Variants in MACROD2 observed in about 807,000 individuals in gnomAD.
The protein encoded by MACROD2 is ADP-ribose glycohydrolase MACROD2.
Under a neutral mutation model 70.4 loss-of-function variants are expected in MACROD2, and 36 were observed. The observed-to-expected ratio is 0.51, with a 90% confidence interval of 0.39 to 0.68. The LOEUF is 0.68. Among genes scored for constraint, MACROD2 ranks in the 30% least tolerant of loss-of-function variants. MACROD2 has a pLI of 0.00. For synonymous variants in MACROD2, 172 were observed against 178.8 expected (o/e 0.96, Z 0.30); for missense variants, 496 against 538.4 (o/e 0.92, Z 0.78).
chr20:15,403,925 C>T (rs2146312832), intron 6 of MACROD2, among the ~76,000 whole-genome samples: 1 of 152,208 alleles, frequency 6.6e-6, no homozygotes, highest in Non-Finnish European at 1.5e-5. Flanking sequence ...ATAATGGTGC[C>T]TACAAGGGAA....
chr20:15,013,099 A>C (rs1374429939), intron 5 of MACROD2, among the ~76,000 whole-genome samples: 2 of 152,106 alleles, frequency 1.3e-5, no homozygotes, highest in Non-Finnish European at 2.9e-5. Context: ...TACTCATCTT[A>C]CTTGCTGAGT....
At chr20:15,557,504 C>T (rs2048183411) in intron 8 of MACROD2, among the ~76,000 whole-genome samples, 1 of 152,124 alleles carries the variant, frequency 6.6e-6, no homozygotes, top group African/African-American at 2.4e-5. Flanking sequence ...TGTTTTTTCC[C>T]CTGACACACA....
chr20:14,273,457 A>T (rs1489127287), intron 3 of MACROD2, among the ~76,000 whole-genome samples: 1 of 149,118 alleles, frequency 6.7e-6, no homozygotes, highest in Non-Finnish European at 1.5e-5. Flanking sequence ...GAGAACAAAG[A>T]CACAACATAC....
At chr20:14,161,203 T>A (rs1470502994) in intron 3 of MACROD2, among the ~76,000 whole-genome samples, 1 of 151,300 alleles carries the variant, frequency 6.6e-6, no homozygotes, top group Non-Finnish European at 1.5e-5. Context: ...TTTTTTTTTT[T>A]TTTGAGATAG....
chr20:15,832,747 C>A (rs1239768800), intron 8 of MACROD2, among the ~76,000 whole-genome samples: 2 of 152,202 alleles, frequency 1.3e-5, no homozygotes, highest in African/African-American at 4.8e-5. Context: ...AGGCAAATGG[C>A]ACCTGCTCAG....
rs1986192407 is a variant in MACROD2 at position 14,660,873 on chromosome 20, A to G, written c.302-23970A>G. On this transcript the variant is annotated intron_variant, in intron 4 of 17. Coordinates refer to ENST00000684519, the MANE Select transcript of MACROD2 (RefSeq NM_001351661.2). Reference sequence around the variant, plus strand: ...AGTTGCATCCATGTTGCTGCAAAGGACATGATTTTGTTCTTTTTTTTAATG... The same window carrying G: ...AGTTGCATCCATGTTGCTGCAAAGGGCATGATTTTGTTCTTTTTTTTAATG... Among the ~76,000 whole-genome samples the G allele has an allele frequency of 2.6e-5, 4 of 152,140 alleles. No homozygotes were observed. In the South Asian group the frequency reaches 6.2e-4, roughly 24 times the overall value.
intron 5 of MACROD2, among the ~76,000 whole-genome samples, chr20:14,861,114 T>C (rs1262917518): frequency 2.0e-5 from 3 of 152,148 alleles, no homozygotes; most frequent in Non-Finnish European, 4.4e-5. Context: ...GAAGAGAATT[T>C]AATTAAAGGA....
At chr20:15,822,573 T>C (rs1460059637) in intron 8 of MACROD2, among the ~76,000 whole-genome samples, 12 of 152,140 alleles carry the variant, frequency 7.9e-5, no homozygotes, top group Admixed American at 7.9e-4. Context: ...AAATGTAAAT[T>C]TTTACATTTG....
At chr20:15,785,828 T>C (rs1300257563) in intron 8 of MACROD2, among the ~76,000 whole-genome samples, 2 of 152,034 alleles carry the variant, frequency 1.3e-5, no homozygotes, top group African/African-American at 4.8e-5. Context: ...TCAATAATAC[T>C]TTTGGACCAG....
intron 4 of MACROD2, among the ~76,000 whole-genome samples, chr20:14,669,931 T>G (rs2070776173): frequency 6.6e-6 from 1 of 151,934 alleles, no homozygotes; most frequent in African/African-American, 2.4e-5. Context: ...AAGATTATTT[T>G]GGGGAATTAT....
intron 5 of MACROD2, among the ~76,000 whole-genome samples, chr20:14,810,107 A>G (rs2072690932): frequency 6.6e-6 from 1 of 152,126 alleles, no homozygotes; most frequent in South Asian, 2.1e-4. Flanking sequence ...CATCATCCTG[A>G]TACCAAAACC....
intron 3 of MACROD2, among the ~76,000 whole-genome samples, chr20:14,291,472 C>G (rs1421586507): frequency 6.6e-6 from 1 of 151,902 alleles, no homozygotes; most frequent in African/African-American, 2.4e-5. Context: ...TCCGTGGCTT[C>G]CCAATAGAGG....
Position 14,938,019 on chromosome 20 carries a change from TTTTC to T in MACROD2, c.418+253061_418+253064del, listed in dbSNP as rs546468105. Among the ~76,000 whole-genome samples the T allele has an allele frequency of 3.0e-3, 451 of 151,932 alleles. 3 individuals carry two copies. The highest frequency in any genetic ancestry group is 0.01 in the African/African-American group (422 of 41,460). ...AGATAACAAGTTTTTTTTTTTTTTTTTTTCATTCTTTTTTATTGGATGACTCATG... is the reference window on the plus strand; with the variant it reads ...AGATAACAAGTTTTTTTTTTTTTTTTATTCTTTTTTATTGGATGACTCATG... On this transcript the variant is annotated intron_variant, in intron 5 of 17. Transcript: ENST00000684519.
chr20:14,127,771 G>A, intron 3 of MACROD2: 1 of 442,386 alleles, frequency 2.3e-6, no homozygotes, highest in East Asian at 5.3e-5. Flanking sequence ...GGAGGAGCAG[G>A]AGAAGAAGAG....
intron 6 of MACROD2, among the ~76,000 whole-genome samples, chr20:15,315,671 C>T (rs1040811500): frequency 2.0e-5 from 3 of 152,088 alleles, no homozygotes; most frequent in African/African-American, 7.2e-5. Flanking sequence ...TAATAGTAGA[C>T]CTGCCCTATA....
intron 5 of MACROD2, among the ~76,000 whole-genome samples, chr20:15,088,344 G>A (rs73096026): frequency 0.48 from 69,987 of 146,178 alleles, 18,687 homozygotes; most frequent in Non-Finnish European, 0.61. Context: ...CAATGAAATA[G>A]ATCAGCATCT....
chr20:14,019,906 T>C (rs539633835), intron 2 of MACROD2, among the ~76,000 whole-genome samples: 3 of 152,344 alleles, frequency 2.0e-5, no homozygotes, highest in Middle Eastern at 3.4e-3. Flanking sequence ...GCAGAATTCA[T>C]GCCTCTGTCA....
chr20:15,364,776 A>G (rs945446498), intron 6 of MACROD2, among the ~76,000 whole-genome samples: 3 of 152,232 alleles, frequency 2.0e-5, no homozygotes, highest in South Asian at 4.1e-4. Flanking sequence ...GTGCTCACCA[A>G]TGAAGGGAGC....
At chr20:15,379,797 A>T (rs1332020721) in intron 6 of MACROD2, among the ~76,000 whole-genome samples, 1 of 152,192 alleles carries the variant, frequency 6.6e-6, no homozygotes, top group East Asian at 1.9e-4. Context: ...AAACAAGCAC[A>T]TGAAGAATAT....
Sources: gnomAD v4.1 joint callset for allele counts (sites outside exome capture counted in the v4.1 genomes callset) on GRCh38, gnomAD v4.1.1 for gene constraint, MANE v1.5 for transcripts, NCBI Gene and HGNC (gene_info 2026-07-23, HGNC 2026-07-21) for gene names.